The following EYS variants were observed in gnomAD, a reference collection of about 807,000 sequenced individuals.
EYS encodes EGF-like photoreceptor maintenance factor.
EYS carries 250 observed loss-of-function variants against 282.1 expected under a neutral mutation model. That is an observed-to-expected ratio of 0.89 (90% confidence interval 0.80 to 0.98). EYS has a LOEUF of 0.98. EYS is among the 50% of genes least tolerant of loss of function. EYS has a pLI of 0.00. For missense variants in EYS, 4,016 were observed against 3,709.0 expected (o/e 1.08, Z -2.15); for synonymous variants, 1,355 against 1,282.9 (o/e 1.06, Z -1.20).
In EYS at chr6:65,302,269, T is replaced by G. The variant is rs1045547982; in HGVS notation, c.1767-6150A>C. 1.2e-4 allele frequency among the ~76,000 whole-genome samples: 19 copies of G among 152,214 alleles called. 1 individual carries two copies. Among genetic ancestry groups the G allele is most frequent in the Non-Finnish European group, 2.5e-4 (17 of 68,032 alleles). On this transcript the variant is annotated intron_variant, in intron 11 of 42. Coordinates refer to ENST00000503581, the MANE Select transcript of EYS (RefSeq NM_001142800.2). ...GCAATGTGAGGAGGAAAATTTTTTC[T>G]GCTTCATTATTATTAATTCATGGAT... is the stretch of plus-strand genomic sequence containing the variant.
Position 64,467,682 on chromosome 6 carries a change from T to C in EYS, c.5645-28330A>G, listed in dbSNP as rs867809397. On this transcript the variant is annotated intron_variant, in intron 26 of 42. Transcript: ENST00000503581. ...AATGAGCCTGCTTTCCCACCACTAC[T>C]GCTTGTGTACATTACTGGGGACCTA... is the stretch of plus-strand genomic sequence containing the variant. Among the ~76,000 whole-genome samples, 5 of 152,220 alleles carry C rather than the reference T, an allele frequency of 3.3e-5. No homozygotes were observed. In the South Asian group the frequency reaches 1.0e-3, roughly 32 times the overall value.
At chr6:65,432,483 C>T (rs1343337713) in intron 5 of EYS, among the ~76,000 whole-genome samples, 1 of 151,952 alleles carries the variant, frequency 6.6e-6, no homozygotes, top group African/African-American at 2.4e-5. Context: ...GGTGGGGTTG[C>T]TCAGGTATGG....
At chr6:64,999,840 C>A (rs9453150) in intron 13 of EYS, among the ~76,000 whole-genome samples, 17 of 152,164 alleles carry the variant, frequency 1.1e-4, no homozygotes, top group African/African-American at 4.1e-4. Flanking sequence ...CCCAGGACGC[C>A]GAGCACCCCA....
chr6:65,171,587 G>A (rs189760701), intron 12 of EYS, among the ~76,000 whole-genome samples: 1 of 151,116 alleles, frequency 6.6e-6, no homozygotes, highest in Non-Finnish European at 1.5e-5. Context: ...GTTGTGCGAG[G>A]TCGTTTCTGG....
chr6:65,429,107 G>C (rs111865131), intron 5 of EYS, among the ~76,000 whole-genome samples: 1 of 151,994 alleles, frequency 6.6e-6, no homozygotes, highest in African/African-American at 2.4e-5. Context: ...TTGAACCCAG[G>C]AGGCGGGGGT....
intron 26 of EYS, among the ~76,000 whole-genome samples, chr6:64,569,026 GA>G (rs4034162): frequency 0.02 from 1,984 of 101,742 alleles, 42 homozygotes; most frequent in African/African-American, 0.065. Context: ...AGATGGAAAA[GA>G]AAAAAAAAAA....
intron 1 of EYS, among the ~76,000 whole-genome samples, chr6:65,677,323 T>C (rs890963126): frequency 6.6e-6 from 1 of 151,804 alleles, no homozygotes; most frequent in African/African-American, 2.4e-5. Flanking sequence ...GAAAACACAA[T>C]AGATCTCATA....
intron 12 of EYS, among the ~76,000 whole-genome samples, chr6:65,081,289 C>T (rs2150171627): frequency 6.6e-6 from 1 of 152,056 alleles, no homozygotes; most frequent in South Asian, 2.1e-4. Context: ...TCCAAGGTGA[C>T]AAAAGCAAGC....
chr6:64,453,680 A>C (rs2150479554), intron 26 of EYS, among the ~76,000 whole-genome samples: 1 of 152,328 alleles, frequency 6.6e-6, no homozygotes, highest in Admixed American at 6.5e-5. Flanking sequence ...TGCAGCCATA[A>C]AAAATGATGA....
chr6:65,385,800 C>T (rs1239453775), intron 7 of EYS, among the ~76,000 whole-genome samples: 3 of 151,848 alleles, frequency 2.0e-5, no homozygotes, highest in Non-Finnish European at 2.9e-5. Flanking sequence ...ATGTACTTTA[C>T]GTCTCTCATT....
intron 13 of EYS, among the ~76,000 whole-genome samples, chr6:65,052,934 A>G (rs567063038): frequency 4.0e-5 from 6 of 151,880 alleles, no homozygotes; most frequent in Admixed American, 1.3e-4. Context: ...TTTTTAAAAA[A>G]TGAAGAAAAA....
At chr6:63,940,071 A>G (rs996305792) in intron 35 of EYS, among the ~76,000 whole-genome samples, 1 of 152,330 alleles carries the variant, frequency 6.6e-6, no homozygotes, top group Admixed American at 6.5e-5. Context: ...AGTAAATTGC[A>G]TATTGCAGTA....
chr6:65,033,924 G>T (rs1772685922), intron 13 of EYS, among the ~76,000 whole-genome samples: 1 of 152,224 alleles, frequency 6.6e-6, no homozygotes, highest in Non-Finnish European at 1.5e-5. Context: ...TCCAATCTGT[G>T]AGAGCAGCCC....
rs1771616327 is a variant in EYS at position 65,005,516 on chromosome 6, C to T, written c.2138-7813G>A. 3.4e-5 allele frequency among the ~76,000 whole-genome samples: 5 copies of T among 147,586 alleles called. No individual in the cohort carries two copies. The Middle Eastern group carries it at 0.01, about 303-fold the overall frequency. On this transcript the variant is annotated intron_variant, in intron 13 of 42. Coordinates refer to ENST00000503581, the MANE Select transcript of EYS (RefSeq NM_001142800.2). Reference sequence around the variant, plus strand: ...AACATTTTGGCGACCACGAAGGGACCTCCAAAGTGGTAATGTTGGACCACT... The same window carrying T: ...AACATTTTGGCGACCACGAAGGGACTTCCAAAGTGGTAATGTTGGACCACT...
chr6:64,535,608 TGTGTGCC>T (rs1764494976), intron 26 of EYS, among the ~76,000 whole-genome samples: 1 of 148,454 alleles, frequency 6.7e-6, no homozygotes, highest in Non-Finnish European at 1.5e-5. Context: ...AGTGTGGTGG[TGTGTGCC>T]TGTACTCCCA....
intron 22 of EYS, among the ~76,000 whole-genome samples, chr6:64,690,339 A>C (rs1434034972): frequency 6.6e-6 from 1 of 152,164 alleles, no homozygotes; most frequent in Non-Finnish European, 1.5e-5. Flanking sequence ...CAGGTGCTGG[A>C]GAGGATGTCG....
intron 22 of EYS, among the ~76,000 whole-genome samples, chr6:64,717,982 T>C (rs1771455118): frequency 6.6e-6 from 1 of 152,204 alleles, no homozygotes. Flanking sequence ...AGTGTATGTT[T>C]GTGTGTGTAA....
chr6:64,528,537 C>T (rs1169710304), intron 26 of EYS, among the ~76,000 whole-genome samples: 2 of 151,896 alleles, frequency 1.3e-5, no homozygotes, highest in Non-Finnish European at 2.9e-5. Flanking sequence ...ATGTGTTTTG[C>T]TTTGAATCTT....
chr6:65,267,871 C>T (rs1767799669), intron 12 of EYS, among the ~76,000 whole-genome samples: 1 of 151,854 alleles, frequency 6.6e-6, no homozygotes, highest in Non-Finnish European at 1.5e-5. Flanking sequence ...AGATGGATCT[C>T]TTCTTAAACC....
Sources: allele counts gnomAD v4.1 joint callset (sites outside exome capture counted in the v4.1 genomes callset), GRCh38; gene constraint gnomAD v4.1.1; transcripts MANE v1.5; gene names NCBI Gene and HGNC (gene_info 2026-07-23, HGNC 2026-07-21).